VAV3: variants seen among roughly 807,000 people sequenced by gnomAD.
VAV3 encodes vav guanine nucleotide exchange factor 3.
VAV3 carries 94 observed loss-of-function variants against 131.2 expected under a neutral mutation model. The ratio of observed to expected loss-of-function variants is 0.72; its 90% CI spans 0.61 to 0.85. The LOEUF (loss-of-function observed/expected upper bound fraction) is 0.85, where lower values mean the gene tolerates loss of function less well. Among genes scored for constraint, VAV3 ranks in the 40% least tolerant of loss-of-function variants. The pLI, the probability that VAV3 is intolerant of heterozygous loss-of-function variation, is 0.00. For synonymous variants in VAV3, 349 were observed against 342.0 expected (o/e 1.02, Z -0.22); for missense variants, 939 against 1,002.7 (o/e 0.94, Z 0.86).
At chr1:107,797,525 A>G (rs150815828) in intron 2 of VAV3, among the ~76,000 whole-genome samples, 1 of 152,226 alleles carries the variant, frequency 6.6e-6, no homozygotes, top group Non-Finnish European at 1.5e-5. Flanking sequence ...TCCAAAAAGC[A>G]TAAGAGTCAA....
intron 1 of VAV3, among the ~76,000 whole-genome samples, chr1:107,919,161 T>C (rs1035548210): frequency 6.6e-6 from 1 of 152,252 alleles, no homozygotes; most frequent in African/African-American, 2.4e-5. Context: ...AAAACTTACA[T>C]TTACCTTTAG....
At position 107,705,485 on chromosome 1, in the gene VAV3, G is replaced by A. The variant is rs186102568; in HGVS notation, c.1503-424C>T. Among the ~76,000 whole-genome samples, 3 of 152,068 alleles carry A rather than the reference G, an allele frequency of 2.0e-5. No homozygotes were observed. The East Asian group carries it at 5.8e-4, about 29-fold the overall frequency. On this transcript the variant is annotated intron_variant, in intron 15 of 26. Transcript: ENST00000370056. ...GAGGGTCATCTCTAAATAGATGTGT[G>A]GACAACATAATGGTCCATAACAAGG...
intron 22 of VAV3, among the ~76,000 whole-genome samples, chr1:107,603,991 C>T (rs1444567938): frequency 2.1e-5 from 3 of 145,772 alleles, no homozygotes. Flanking sequence ...TCTCCCTAGA[C>T]TTTGCTGGCC....
intron 1 of VAV3, among the ~76,000 whole-genome samples, chr1:107,906,215 G>A (rs908703554): frequency 3.9e-5 from 6 of 152,184 alleles, no homozygotes; most frequent in African/African-American, 1.2e-4. Context: ...GCTTGTAACT[G>A]TAGCCAGAAG....
At chr1:107,802,570 C>T (rs1666876028) in intron 2 of VAV3, among the ~76,000 whole-genome samples, 1 of 151,990 alleles carries the variant, frequency 6.6e-6, no homozygotes, top group African/African-American at 2.4e-5. Context: ...TAAATTTTAT[C>T]AAACGTTTTT....
intron 21 of VAV3, among the ~76,000 whole-genome samples, chr1:107,617,243 G>A (rs755993445): frequency 2.6e-5 from 4 of 152,094 alleles, no homozygotes; most frequent in African/African-American, 7.2e-5. Flanking sequence ...GAGGCAGACC[G>A]TACCATTCTC....
At chr1:107,884,122 A>T (rs1478693445) in intron 1 of VAV3, among the ~76,000 whole-genome samples, 1 of 151,738 alleles carries the variant, frequency 6.6e-6, no homozygotes, top group South Asian at 2.1e-4. Flanking sequence ...AAAGCAACCC[A>T]GAGATGGGGC....
chr1:107,851,530 C>A (rs1377472264), intron 2 of VAV3, among the ~76,000 whole-genome samples: 3 of 151,478 alleles, frequency 2.0e-5, no homozygotes, highest in Non-Finnish European at 2.9e-5. Context: ...AGCCACAGAA[C>A]AAGATTTTCA....
chr1:107,904,831 A>G lies in VAV3; in HGVS notation c.205-29814T>C, dbSNP rs189014221. On this transcript the variant is annotated intron_variant, in intron 1 of 26. Coordinates refer to ENST00000370056, the MANE Select transcript of VAV3 (RefSeq NM_006113.5). ...ACACAATAATGAACTTATTAATTAC[A>G]TGTAATTATCATTATATTCAATATT... Among the ~76,000 whole-genome samples the G allele has an allele frequency of 6.1e-4, 90 of 147,598 alleles. 2 individuals are homozygous for G. The highest frequency in any genetic ancestry group is 7.3e-4 in the Non-Finnish European group (48 of 65,694).
intron 2 of VAV3, among the ~76,000 whole-genome samples, chr1:107,782,029 C>T (rs1322618728): frequency 1.3e-5 from 2 of 152,152 alleles, no homozygotes; most frequent in African/African-American, 4.8e-5. Flanking sequence ...GAATTAACTA[C>T]ATTGCTTTAC....
intron 2 of VAV3, among the ~76,000 whole-genome samples, chr1:107,858,522 A>G (rs900687273): frequency 4.6e-5 from 7 of 152,312 alleles, no homozygotes; most frequent in Middle Eastern, 6.8e-3. Context: ...GTGAGTGAGC[A>G]TTACTGCCTG....
At position 107,624,387 on chromosome 1, in the gene VAV3, TG is replaced by T. The variant is rs1324402457; in HGVS notation, c.1915-6756del. Among the ~76,000 whole-genome samples, 26 of 149,596 alleles carry T rather than the reference TG, an allele frequency of 1.7e-4. 1 individual carries two copies. In the Admixed American group the frequency reaches 1.7e-3, roughly 10 times the overall value. ...ATAGTCTTATGACTGTGTGTGTGTGTGTGTGTGTGTGTGTGTGTGTGTGTGT... is the reference window on the plus strand; with the variant it reads ...ATAGTCTTATGACTGTGTGTGTGTGTTGTGTGTGTGTGTGTGTGTGTGTGT... On this transcript the variant is annotated intron_variant, in intron 20 of 26. Transcript: ENST00000370056.
At chr1:107,711,042 T>C (rs1303142260) in intron 15 of VAV3, among the ~76,000 whole-genome samples, 1 of 152,186 alleles carries the variant, frequency 6.6e-6, no homozygotes, top group Non-Finnish European at 1.5e-5. Flanking sequence ...TCAATATTGT[T>C]CTGGAAGATC....
intron 2 of VAV3, among the ~76,000 whole-genome samples, chr1:107,822,078 G>C (rs1193245883): frequency 6.6e-6 from 1 of 152,088 alleles, no homozygotes; most frequent in African/African-American, 2.4e-5. Flanking sequence ...TTGTGGGCAG[G>C]ACTAGGGCAA....
intron 19 of VAV3, among the ~76,000 whole-genome samples, chr1:107,648,809 G>C (rs17479238): frequency 0.05 from 7,666 of 152,060 alleles, 267 homozygotes; most frequent in Middle Eastern, 0.1. Flanking sequence ...ACTTCAGGTT[G>C]GTCATTCTAT....
At chr1:107,682,198 T>C (rs1003590923) in intron 19 of VAV3, among the ~76,000 whole-genome samples, 2 of 152,132 alleles carry the variant, frequency 1.3e-5, no homozygotes, top group African/African-American at 4.8e-5. Context: ...ATTTTGGCTA[T>C]AAATGGTTGA....
In VAV3 at chr1:107,843,551, T is replaced by A. The variant is rs201263900; in HGVS notation, c.321+31350A>T. 6.3e-3 allele frequency among the ~76,000 whole-genome samples: 913 copies of A among 145,976 alleles called. 5 individuals are homozygous for A. The highest frequency in any genetic ancestry group is 0.014 in the Middle Eastern group (4 of 282). On this transcript the variant is annotated intron_variant, in intron 2 of 26. Coordinates refer to ENST00000370056, the MANE Select transcript of VAV3 (RefSeq NM_006113.5). Reference sequence around the variant, plus strand: ...TGTGTGTGTGTGTATATATATATATTTATATATATATATATGAGGAAGGTG... The same window carrying A: ...TGTGTGTGTGTGTATATATATATATATATATATATATATATGAGGAAGGTG...
chr1:107,936,875 C>T (rs1405828232), intron 1 of VAV3, among the ~76,000 whole-genome samples: 1 of 152,134 alleles, frequency 6.6e-6, no homozygotes, highest in Non-Finnish European at 1.5e-5. Context: ...GCTCCTTCCC[C>T]GACCGATCTT....
chr1:107,575,688 T>C (rs946862604), intron 25 of VAV3, among the ~76,000 whole-genome samples: 2 of 152,184 alleles, frequency 1.3e-5, no homozygotes, highest in Admixed American at 1.3e-4. Flanking sequence ...ATAGGTCTCC[T>C]AACCCCTCAA....
Sources: gnomAD v4.1 joint callset for allele counts (sites outside exome capture counted in the v4.1 genomes callset) on GRCh38, gnomAD v4.1.1 for gene constraint, MANE v1.5 for transcripts, NCBI Gene and HGNC (gene_info 2026-07-23, HGNC 2026-07-21) for gene names.